The following VPS13C variants were observed in gnomAD, a reference collection of about 807,000 sequenced individuals.
The protein encoded by VPS13C is vacuolar protein sorting 13 homolog C, also known as intermembrane lipid transfer protein VPS13C.
Under a neutral mutation model 456.8 loss-of-function variants are expected in VPS13C, and 358 were observed. That is an observed-to-expected ratio of 0.78 (90% CI 0.72 to 0.86). The LOEUF (loss-of-function observed/expected upper bound fraction) is 0.86, where lower values mean the gene tolerates loss of function less well. Ranked by LOEUF, VPS13C falls within the 40% of genes least tolerant of loss-of-function variation. The probability of loss-of-function intolerance (pLI) is 0.00; values close to 1 mark genes in which losing one functional copy is unlikely to be tolerated. For synonymous variants in VPS13C, 1,578 were observed against 1,486.7 expected (o/e 1.06, Z -1.41); for missense variants, 4,818 against 4,385.4 (o/e 1.10, Z -2.79).
intron 43 of VPS13C, among the ~76,000 whole-genome samples, chr15:61,946,898 T>G (rs954814045): frequency 7.2e-5 from 11 of 152,038 alleles, no homozygotes; most frequent in African/African-American, 2.7e-4. Context: ...TAGGAAACAG[T>G]CTTCTAAGAT....
At chr15:61,930,860 G>A (rs751357615) in intron 50 of VPS13C, among the ~76,000 whole-genome samples, 2 of 152,078 alleles carry the variant, frequency 1.3e-5, no homozygotes, top group Non-Finnish European at 2.9e-5. Context: ...TTTTCTCTTA[G>A]TTCCCATTCT....
intron 53 of VPS13C, 57 bp from the exon 54 acceptor site, chr15:61,922,819 T>TATAC: frequency 7.4e-7 from 1 of 1,351,006 alleles, no homozygotes; most frequent in Non-Finnish European, 9.8e-7. Context: ...GATGAGAATA[T>TATAC]ATACATACAT....
intron 37 of VPS13C, among the ~76,000 whole-genome samples, chr15:61,956,626 T>A (rs1314324399): frequency 6.6e-6 from 1 of 151,926 alleles, no homozygotes; most frequent in Non-Finnish European, 1.5e-5. Context: ...AAGGCAAACA[T>A]CAAATAGTTG....
intron 80 of VPS13C, 78 bp downstream of exon 80, chr15:61,869,422 T>G: frequency 2.0e-6 from 3 of 1,497,264 alleles, no homozygotes; most frequent in Non-Finnish European, 2.7e-6. Flanking sequence ...AGCAGGCAAA[T>G]AATCTAATCT....
At chr15:61,974,514 T>A in intron 24 of VPS13C, 97 bp from the exon 25 acceptor site, 2 of 1,285,194 alleles carry the variant, frequency 1.6e-6, no homozygotes, top group Non-Finnish European at 1.1e-6. Context: ...ATGCCTAAAC[T>A]TTTGACATGT....
intron 3 of VPS13C, among the ~76,000 whole-genome samples, chr15:62,037,410 AT>A (rs1226772249): frequency 4.4e-4 from 41 of 93,666 alleles, no homozygotes; most frequent in Non-Finnish European, 6.1e-4. Context: ...ATATAAATAT[AT>A]ATAATATGTT....
At chr15:61,981,081 G>A (rs548514781) in intron 22 of VPS13C, among the ~76,000 whole-genome samples, 32 of 152,138 alleles carry the variant, frequency 2.1e-4, no homozygotes, top group Non-Finnish European at 4.3e-4. Flanking sequence ...AACTACGAAT[G>A]CTTCTTTCTA....
At chr15:61,871,514 C>A (rs1168357536) in intron 79 of VPS13C, among the ~76,000 whole-genome samples, 1 of 152,032 alleles carries the variant, frequency 6.6e-6, no homozygotes, top group Non-Finnish European at 1.5e-5. Context: ...TGTAGCTTTA[C>A]AGTAAGTTTT....
At chr15:62,050,763 C>G (rs2048590153) in intron 1 of VPS13C, among the ~76,000 whole-genome samples, 1 of 148,990 alleles carries the variant, frequency 6.7e-6, no homozygotes, top group South Asian at 2.1e-4. Context: ...GATCATGCCA[C>G]TGCACTCCAG....
chr15:61,992,027 G>A (rs2046239826), intron 16 of VPS13C, among the ~76,000 whole-genome samples: 1 of 151,954 alleles, frequency 6.6e-6, no homozygotes, highest in Non-Finnish European at 1.5e-5. Flanking sequence ...TGATAAGGCT[G>A]CATGTTATGA....
chr15:61,962,537 G>A lies in VPS13C; in HGVS notation c.3437C>T (p.Ala1146Val). ...AACTTCATTTCCCATTATTGACACA[G>A]CCTGAAAAACAGAGACTTGAATGTA... ...DVDPKTVHKK[A>V]VSIMGNEVFR... Residue 1146 changes from alanine (A) to valine (V), a missense_variant and splice_region_variant, in exon 34 of 85, where the codon GCT becomes GTT. By Grantham distance (64) the Ala-to-Val change is moderately conservative. This residue lies in a region of VPS13C where 4,552 missense variants were observed against 4,130.6 expected (regional missense o/e 1.10). Coordinates refer to ENST00000644861, the MANE Select transcript of VPS13C (RefSeq NM_020821.3). The A allele has an allele frequency of 6.2e-7, 1 of 1,606,554 alleles. No homozygotes were observed. Among genetic ancestry groups the A allele is most frequent in the Non-Finnish European group, 8.5e-7 (1 of 1,175,716 alleles).
At position 61,868,278 on chromosome 15, in the gene VPS13C, G is replaced by T. The variant is rs144228156; in HGVS notation, c.10863+381C>A. On this transcript the variant is annotated intron_variant, in intron 81 of 84. Transcript: ENST00000644861. Reference sequence around the variant, plus strand: ...AGTTCTAGTTACTGGAATAAATCTAGATTTACAAAGTAGTGCAAATAAATT... The same window carrying T: ...AGTTCTAGTTACTGGAATAAATCTATATTTACAAAGTAGTGCAAATAAATT... Among the ~76,000 whole-genome samples, 25 of 151,976 alleles carry T rather than the reference G, an allele frequency of 1.6e-4. No homozygotes were observed. In the East Asian group the frequency reaches 4.8e-3, roughly 29 times the overall value.
Position 61,922,632 on chromosome 15 carries a change from T to C in VPS13C, c.6740A>G (p.Tyr2247Cys), listed in dbSNP as rs549846102. The change falls in exon 54 of 85, where the codon TAT (tyrosine) becomes TGT (cysteine). Residue 2247 changes from tyrosine (Y) to cysteine (C), a missense_variant. Tyr to Cys is a radical substitution (Grantham distance 194, BLOSUM62 -2). Transcript: ENST00000644861. Reference sequence around the variant, plus strand: ...GTCAACACCAAGAAACCAAGTGTTATAATCATTAATCGATTTGATACCCCA... The same window carrying C: ...GTCAACACCAAGAAACCAAGTGTTACAATCATTAATCGATTTGATACCCCA... Reference protein sequence around the residue: ...NLWGIKSINDYNTWFLGVDTA... With the variant: ...NLWGIKSINDCNTWFLGVDTA... The C allele has an allele frequency of 1.9e-5, 30 of 1,614,014 alleles. No homozygotes were observed. The highest frequency in any genetic ancestry group is 6.7e-5 in the African/African-American group (5 of 74,942).
Position 61,945,820 on chromosome 15 carries a change from T to C in VPS13C, c.5043A>G (p.Thr1681=). The change falls in exon 45 of 85, where the codon ACA becomes ACG. Residue 1681 remains threonine (T), a synonymous_variant. Transcript: ENST00000644861. ...RFQLTLYPDA[T]EGEAYADMSK... ...ACATATCAGCATAGGCCTCTCCTTC[T>C]GTGGCATCTGGATAAAGAGTCAGTT... The C allele has an allele frequency of 6.2e-7, 1 of 1,613,386 alleles. No individual in the cohort carries two copies. Among genetic ancestry groups the C allele is most frequent in the East Asian group, 2.2e-5 (1 of 44,816 alleles).
chr15:62,050,732 G>C (rs964360065), intron 1 of VPS13C, among the ~76,000 whole-genome samples: 6 of 151,014 alleles, frequency 4.0e-5, no homozygotes, highest in African/African-American at 9.8e-5. Context: ...AACCAGAAGG[G>C]CAGAGGTTGC....
chr15:61,955,031 A>G (rs1325592289), intron 37 of VPS13C, among the ~76,000 whole-genome samples: 1 of 152,174 alleles, frequency 6.6e-6, no homozygotes, highest in South Asian at 2.1e-4. Context: ...AAAAGAAAAA[A>G]GGGAGTGGGA....
chr15:62,010,484 C>A lies in VPS13C; in HGVS notation c.999G>T (p.Leu333=). 2.5e-6 allele frequency: 4 copies of A among 1,609,510 alleles called. No individual in the cohort carries two copies. Among genetic ancestry groups the A allele is most frequent in the South Asian group, 2.2e-5 (2 of 90,178 alleles). The change falls in exon 13 of 85, where the codon CTG becomes CTT. Residue 333 remains leucine, a synonymous_variant. Transcript: ENST00000644861. ...NIEIQNIAIE[L]TKPQYLSMID... The stretch of plus-strand genomic sequence containing the variant: ...ACATGAATCATACCTGAGGTTTGGT[C>A]AGTTCAATGGCAATATTTTGTATTT...
chr15:62,013,296 A>G (rs748517979), intron 10 of VPS13C, among the ~76,000 whole-genome samples, 177 bp from the exon 11 acceptor site: 12 of 152,052 alleles, frequency 7.9e-5, no homozygotes, highest in Non-Finnish European at 1.5e-4. Context: ...TTCAGACTTT[A>G]TTAAGTCTAG....
At chr15:62,012,351 G>A (rs1218351400) in intron 11 of VPS13C, among the ~76,000 whole-genome samples, 187 bp from the exon 12 acceptor site, 1 of 151,660 alleles carries the variant, frequency 6.6e-6, no homozygotes, top group Non-Finnish European at 1.5e-5. Context: ...TAAAGATACA[G>A]AAGCAGATAA....
Sources: gnomAD v4.1 joint callset for allele counts (sites outside exome capture counted in the v4.1 genomes callset) on GRCh38, gnomAD v4.1.1 for gene constraint, gnomAD v4.1.1 regional missense constraint, MANE v1.5 for transcripts, NCBI Gene and HGNC (gene_info 2026-07-23, HGNC 2026-07-21) for gene names.